The following ACER3 variants were observed in gnomAD, a reference collection of about 807,000 sequenced individuals.
The protein encoded by ACER3 is alkCDase 3.
ACER3 carries 16 observed loss-of-function variants against 48.9 expected under a neutral mutation model. The observed-to-expected ratio is 0.33, with a 90% CI of 0.22 to 0.50. ACER3 has a LOEUF of 0.50. ACER3 is among the 20% of genes least tolerant of loss of function. ACER3 has a pLI of 0.98. For synonymous variants in ACER3, 109 were observed against 107.8 expected (o/e 1.01, Z -0.07); for missense variants, 227 against 326.0 (o/e 0.70, Z 2.34).
At chr11:76,969,953 A>C (rs1948250422) in intron 3 of ACER3, among the ~76,000 whole-genome samples, 1 of 92,846 alleles carries the variant, frequency 1.1e-5, no homozygotes, top group African/African-American at 2.6e-5. Flanking sequence ...AATAATAATA[A>C]AATTAAAAAA....
intron 2 of ACER3, among the ~76,000 whole-genome samples, chr11:76,940,714 G>C (rs1220729208): frequency 6.6e-6 from 1 of 151,954 alleles, no homozygotes; most frequent in Non-Finnish European, 1.5e-5. Flanking sequence ...TTACTTTTTG[G>C]ATTGCACTTA....
At chr11:77,000,776 T>A (rs950650285) in intron 7 of ACER3, among the ~76,000 whole-genome samples, 1 of 152,190 alleles carries the variant, frequency 6.6e-6, no homozygotes, top group Admixed American at 6.5e-5. Flanking sequence ...TTGATGTGTC[T>A]CCCCCTCCAC....
chr11:76,940,917 C>T (rs1947320877), intron 2 of ACER3, among the ~76,000 whole-genome samples: 1 of 151,982 alleles, frequency 6.6e-6, no homozygotes, highest in Non-Finnish European at 1.5e-5. Flanking sequence ...ATTTTAAACA[C>T]CTCTAAACAT....
chr11:76,962,605 A>G (rs987266975), intron 3 of ACER3, among the ~76,000 whole-genome samples: 4 of 151,470 alleles, frequency 2.6e-5, no homozygotes, highest in Non-Finnish European at 4.4e-5. Flanking sequence ...GAAGTCCCCA[A>G]ACAGCAGTGG....
At chr11:77,003,761 C>T (rs1442086780) in intron 7 of ACER3, among the ~76,000 whole-genome samples, 1 of 152,124 alleles carries the variant, frequency 6.6e-6, no homozygotes, top group African/African-American at 2.4e-5. Context: ...TTATTCAGTT[C>T]AATGTACTTT....
At chr11:76,864,617 T>TTTTTTTA (rs1945026822) in intron 1 of ACER3, among the ~76,000 whole-genome samples, 1 of 146,444 alleles carries the variant, frequency 6.8e-6, no homozygotes, top group East Asian at 2.0e-4. Flanking sequence ...TTTTTTTTTT[T>TTTTTTTA]GAGGTAGAGT....
intron 2 of ACER3, among the ~76,000 whole-genome samples, chr11:76,951,196 A>G (rs1292754014): frequency 1.3e-5 from 2 of 152,222 alleles, no homozygotes; most frequent in East Asian, 3.8e-4. Context: ...TTATCACAAG[A>G]TTCATAAATA....
intron 1 of ACER3, among the ~76,000 whole-genome samples, chr11:76,924,486 T>G (rs1200409081): frequency 6.6e-6 from 1 of 152,046 alleles, no homozygotes. Context: ...TTACAAGTGT[T>G]AGCCACTGCC....
intron 7 of ACER3, among the ~76,000 whole-genome samples, chr11:77,007,595 T>C (rs1013358059): frequency 6.6e-6 from 1 of 152,236 alleles, no homozygotes; most frequent in East Asian, 1.9e-4. Context: ...CTCTGGCCAG[T>C]GGTGAAAATT....
intron 1 of ACER3, among the ~76,000 whole-genome samples, chr11:76,883,548 C>T (rs191681381): frequency 7.0e-5 from 10 of 142,236 alleles, no homozygotes; most frequent in Middle Eastern, 4.2e-3. Context: ...TCAAGTAATT[C>T]TCCTGCCTCA....
At chr11:76,974,531 C>G (rs1030708169) in intron 3 of ACER3, among the ~76,000 whole-genome samples, 5 of 152,136 alleles carry the variant, frequency 3.3e-5, no homozygotes, top group African/African-American at 1.2e-4. Flanking sequence ...ACTGCTCCAC[C>G]ACTTAAAAGT....
At chr11:76,875,133 T>TTTTTTTTTTTTTA (rs1490255598) in intron 1 of ACER3, among the ~76,000 whole-genome samples, 1 of 141,302 alleles carries the variant, frequency 7.1e-6, no homozygotes, top group African/African-American at 2.8e-5. Context: ...TTTTTTTTTT[T>TTTTTTTTTTTTTA]AGATGGAATC....
intron 1 of ACER3, among the ~76,000 whole-genome samples, chr11:76,891,127 AT>A (rs1330551077): frequency 1.3e-5 from 2 of 148,936 alleles, no homozygotes; most frequent in Non-Finnish European, 3.0e-5. Context: ...AAAAAAAAAA[AT>A]TATTACATAA....
intron 1 of ACER3, among the ~76,000 whole-genome samples, chr11:76,908,535 T>A (rs1263840528): frequency 6.6e-6 from 1 of 152,008 alleles, no homozygotes; most frequent in Non-Finnish European, 1.5e-5. Flanking sequence ...GAATATAACT[T>A]ACAAGGGATG....
intron 2 of ACER3, among the ~76,000 whole-genome samples, chr11:76,943,599 T>C (rs1947396005): frequency 6.6e-6 from 1 of 152,014 alleles, no homozygotes; most frequent in Non-Finnish European, 1.5e-5. Context: ...TATACAGTGT[T>C]CCATGTGGTG....
In ACER3 at chr11:76,935,320, A is replaced by T. The variant is rs72945418; in HGVS notation, c.214+8653A>T. On this transcript the variant is annotated intron_variant, in intron 2 of 10. Transcript: ENST00000532485. ...TGGGGGAAACCAGTGGAACATAATT[A>T]TATTTAAAATTATAATTCAAGACAA... is the stretch of plus-strand genomic sequence containing the variant. 9.8e-3 allele frequency among the ~76,000 whole-genome samples: 1,490 copies of T among 152,314 alleles called. 8 individuals carry two copies. Among genetic ancestry groups the T allele is most frequent in the Non-Finnish European group, 0.015 (1,022 of 68,020 alleles).
chr11:76,926,445 A>G, intron 1 of ACER3, 112 bp from the exon 2 acceptor site: 1 of 550,582 alleles, frequency 1.8e-6, no homozygotes. Flanking sequence ...TATCTTCCCA[A>G]TGTCTTTCTG....
At chr11:76,928,060 A>G (rs941804202) in intron 2 of ACER3, among the ~76,000 whole-genome samples, 3 of 152,110 alleles carry the variant, frequency 2.0e-5, no homozygotes, top group Non-Finnish European at 4.4e-5. Context: ...TGGTTGAACT[A>G]GTTTACAGTC....
At position 76,875,107 on chromosome 11, in the gene ACER3, C is replaced by CTTTTTTTTTTTTTT. The variant is rs10676364; in HGVS notation, c.103+14041_103+14054dup. ...TTCTAACATGGCATGAAAAGCACTT[C>CTTTTTTTTTTTTTT]TTTTTTTTTTTTTTTTTTTTTTTTT... On this transcript the variant is annotated intron_variant, in intron 1 of 10. Transcript: ENST00000532485. Among the ~76,000 whole-genome samples the CTTTTTTTTTTTTTT allele has an allele frequency of 8.8e-4, 69 of 78,152 alleles. 17 individuals carry two copies. The highest frequency in any genetic ancestry group is 2.2e-3 in the East Asian group (4 of 1,784). 51.3% of individuals were successfully genotyped at this position (78,152 alleles called of 152,430 possible).
Sources: gnomAD v4.1 joint callset for allele counts (sites outside exome capture counted in the v4.1 genomes callset) on GRCh38, gnomAD v4.1.1 for gene constraint, MANE v1.5 for transcripts, NCBI Gene and HGNC (gene_info 2026-07-23, HGNC 2026-07-21) for gene names.